Variants in PNLIPRP3 observed in about 807,000 individuals in gnomAD.
PNLIPRP3 encodes pancreatic lipase related protein 3.
A neutral mutation model predicts 52.8 loss-of-function variants in PNLIPRP3; 58 were observed. That is an observed-to-expected ratio of 1.10 (90% CI 0.89 to 1.37). PNLIPRP3 has a LOEUF of 1.37. Among genes scored for constraint, PNLIPRP3 ranks in the 40% most tolerant of loss-of-function variants. The pLI is 0.00. For missense variants in PNLIPRP3, 593 were observed against 561.6 expected, an observed-to-expected ratio of 1.06 and a Z score of -0.57; for synonymous variants, 192 against 185.0, an observed-to-expected ratio of 1.04 and a Z score of -0.31.
At chr10:116,441,898 G>A (rs1479202163) in intron 2 of PNLIPRP3, among the ~76,000 whole-genome samples, 5 of 152,146 alleles carry the variant, frequency 3.3e-5, no homozygotes, top group Non-Finnish European at 7.3e-5. Flanking sequence ...AGACAGATAG[G>A]AGTGTTAGCT....
At chr10:116,429,269 T>C (rs1296986794) in intron 1 of PNLIPRP3, among the ~76,000 whole-genome samples, 1 of 152,202 alleles carries the variant, frequency 6.6e-6, no homozygotes. Flanking sequence ...ATGAATTTTG[T>C]GTTAAGACTT....
At chr10:116,448,122 A>G (rs1395717408) in intron 4 of PNLIPRP3, among the ~76,000 whole-genome samples, 4 of 152,194 alleles carry the variant, frequency 2.6e-5, no homozygotes, top group African/African-American at 9.7e-5. Context: ...AGGTAAACAT[A>G]TAGACAAATA....
At chr10:116,469,370 A>C in intron 9 of PNLIPRP3, 53 bp downstream of exon 9, 1 of 1,503,652 alleles carries the variant, frequency 6.7e-7, no homozygotes, top group Non-Finnish European at 8.9e-7. Flanking sequence ...TTATCTTTAA[A>C]AATTCAACAG....
At chr10:116,438,999 A>G (rs891321940) in intron 2 of PNLIPRP3, among the ~76,000 whole-genome samples, 2 of 152,186 alleles carry the variant, frequency 1.3e-5, no homozygotes, top group African/African-American at 4.8e-5. Context: ...CAAATAATCT[A>G]TGGTTTCATT....
rs1242754452 is a variant in PNLIPRP3 at position 116,460,979 on chromosome 10, T to C, written c.579T>C (p.Ala193=). The C allele has an allele frequency of 6.2e-7, 1 of 1,612,064 alleles. No homozygotes were observed. Among genetic ancestry groups the C allele is most frequent in the East Asian group, 2.3e-5 (1 of 42,922 alleles). The part of the protein sequence containing the change: ...GLGRITGLDP[A]GPFFHNTPKE... ...TGCTTTCTCTAGGGTTGGACCCAGC[T>C]GGGCCATTTTTCCACAACACTCCAA... Residue 193 remains alanine, a synonymous_variant, in exon 6 of 12, where the codon GCT becomes GCC. Coordinates refer to ENST00000369230, the MANE Select transcript of PNLIPRP3 (RefSeq NM_001011709.3).
At chr10:116,471,263 T>G (rs777256958) in intron 9 of PNLIPRP3, among the ~76,000 whole-genome samples, 1 of 152,204 alleles carries the variant, frequency 6.6e-6, no homozygotes, top group African/African-American at 2.4e-5. Context: ...CTACGTGTAC[T>G]GGGCATTCTT....
chr10:116,444,915 ATTAG>A (rs1845921795), intron 4 of PNLIPRP3, among the ~76,000 whole-genome samples: 1 of 152,238 alleles, frequency 6.6e-6, no homozygotes, highest in Non-Finnish European at 1.5e-5. Context: ...GTGCCTGTGA[ATTAG>A]TTAGGTCTGT....
intron 4 of PNLIPRP3, among the ~76,000 whole-genome samples, chr10:116,447,100 AC>A (rs1845964110): frequency 6.6e-6 from 1 of 152,182 alleles, no homozygotes; most frequent in Non-Finnish European, 1.5e-5. Flanking sequence ...TGAGTAGAAT[AC>A]CCTAGATCCC....
intron 4 of PNLIPRP3, among the ~76,000 whole-genome samples, chr10:116,453,142 A>G (rs977724265): frequency 1.8e-4 from 28 of 152,188 alleles, no homozygotes; most frequent in Non-Finnish European, 3.8e-4. Flanking sequence ...ACATGGAGTC[A>G]AGGATTATGT....
chr10:116,465,934 G>C (rs536291143), intron 7 of PNLIPRP3, 116 bp from the exon 8 acceptor site: 1 of 759,938 alleles, frequency 1.3e-6, no homozygotes, highest in East Asian at 2.4e-5. Flanking sequence ...CTAGACAAAA[G>C]GTCTGGCCCT....
At chr10:116,454,161 C>T (rs1467562723) in intron 4 of PNLIPRP3, among the ~76,000 whole-genome samples, 1 of 152,112 alleles carries the variant, frequency 6.6e-6, no homozygotes, top group East Asian at 1.9e-4. Context: ...CTCTGTTGCC[C>T]AGGCTGGAGT....
intron 4 of PNLIPRP3, among the ~76,000 whole-genome samples, chr10:116,453,572 T>C (rs1846069916): frequency 6.6e-6 from 1 of 152,116 alleles, no homozygotes; most frequent in Non-Finnish European, 1.5e-5. Flanking sequence ...TATTAGATCA[T>C]GGGGATGAAT....
At chr10:116,461,456 C>T (rs1414923991) in intron 7 of PNLIPRP3, among the ~76,000 whole-genome samples, 166 bp downstream of exon 7, 2 of 152,164 alleles carry the variant, frequency 1.3e-5, no homozygotes, top group African/African-American at 2.4e-5. Flanking sequence ...TCCACAAGAT[C>T]GGGTACCGTG....
intron 2 of PNLIPRP3, among the ~76,000 whole-genome samples, chr10:116,439,133 T>G (rs560908342): frequency 2.6e-5 from 4 of 152,218 alleles, no homozygotes; most frequent in Non-Finnish European, 5.9e-5. Flanking sequence ...GTGAATGACT[T>G]AATGCCACTG....
chr10:116,469,278 C>T lies in PNLIPRP3; in HGVS notation c.1021C>T (p.His341Tyr). The change falls in exon 9 of 12, where the codon CAT becomes TAT. Residue 341 changes from histidine (H) to tyrosine (Y), a missense_variant. By Grantham distance (83) the His-to-Tyr change is moderately conservative. Coordinates refer to ENST00000369230, the MANE Select transcript of PNLIPRP3 (RefSeq NM_001011709.3). ...HFKNMKTNGS[H>Y]YFLNTGSLSP... ...CAAAAATATGAAGACTAATGGATCA[C>T]ATTATTTTTTAAACACAGGGTCCCT... The T allele has an allele frequency of 6.2e-7, 1 of 1,609,954 alleles. No individual in the cohort carries two copies. Among genetic ancestry groups the T allele is most frequent in the South Asian group, 1.1e-5 (1 of 89,864 alleles).
At chr10:116,473,679 G>A (rs1200198317) in intron 10 of PNLIPRP3, among the ~76,000 whole-genome samples, 4 of 151,880 alleles carry the variant, frequency 2.6e-5, no homozygotes, top group Non-Finnish European at 5.9e-5. Context: ...CCACCACCAT[G>A]CCTGGCTAAT....
intron 10 of PNLIPRP3, among the ~76,000 whole-genome samples, chr10:116,476,214 C>T: frequency 6.6e-6 from 1 of 151,694 alleles, no homozygotes; most frequent in Admixed American, 6.6e-5. Flanking sequence ...AAAAAGGGCA[C>T]GGGAGCACTC....
intron 9 of PNLIPRP3, among the ~76,000 whole-genome samples, chr10:116,470,727 C>T (rs887675958): frequency 1.3e-5 from 2 of 152,092 alleles, no homozygotes; most frequent in African/African-American, 2.4e-5. Flanking sequence ...CCAGGATGGT[C>T]TCCATCTCCT....
chr10:116,467,786 G>A (rs950036489), intron 8 of PNLIPRP3, among the ~76,000 whole-genome samples: 9 of 152,036 alleles, frequency 5.9e-5, no homozygotes, highest in Admixed American at 4.6e-4. Context: ...TTATTGATTA[G>A]TTCTCCTACT....
Sources: gnomAD v4.1 joint callset for allele counts (sites outside exome capture counted in the v4.1 genomes callset) on GRCh38, gnomAD v4.1.1 for gene constraint, MANE v1.5 for transcripts, NCBI Gene and HGNC (gene_info 2026-07-23, HGNC 2026-07-21) for gene names.